The following ANK3 variants were observed in gnomAD, a reference collection of about 807,000 sequenced individuals.
ANK3 encodes the protein ankyrin-3.
ANK3 carries 57 observed loss-of-function variants against 370.9 expected under a neutral mutation model. That is an observed-to-expected ratio of 0.15 (90% CI 0.12 to 0.19). ANK3 has a LOEUF of 0.19. Among genes scored for constraint, ANK3 ranks in the 10% least tolerant of loss-of-function variants. The pLI, the probability that ANK3 is intolerant of heterozygous loss-of-function variation, is 1.00. For missense variants in ANK3, 4,439 were observed against 5,302.1 expected (o/e 0.84, Z 5.06); for synonymous variants, 1,929 against 1,946.3 (o/e 0.99, Z 0.23).
At position 60,279,606 on chromosome 10, in the gene ANK3, G is replaced by A. The variant is rs1064796340; in HGVS notation, c.148C>T (p.Arg50Ter). 1 of 1,611,840 alleles carries A rather than the reference G, an allele frequency of 6.2e-7. No homozygotes were observed. Among genetic ancestry groups the A allele is most frequent in the Non-Finnish European group, 8.5e-7 (1 of 1,179,464 alleles). Residue 50 changes from arginine to a stop codon, truncating the protein, a stop_gained, in exon 2 of 44, where the codon CGA (arginine) becomes TGA (stop). Transcript: ENST00000280772. LOFTEE classifies it high-confidence loss of function. ...DANASYLRAARAGHLEKALDY... is the reference protein window; with the variant it reads ...DANASYLRAA ...AGGGCCTTTTCAAGGTGTCCAGCTC[G>A]AGCTGCTCTTAAGTAACTTGCATTG...
chr10:60,103,699 AT>A (rs1041789764), intron 28 of ANK3, among the ~76,000 whole-genome samples: 2 of 152,208 alleles, frequency 1.3e-5, no homozygotes, highest in Middle Eastern at 3.4e-3. Context: ...TTCCATCCTC[AT>A]TTTTGCTCTA....
Position 60,363,490 on chromosome 10 carries a change from T to C in ANK3, c.114+25935A>G, listed in dbSNP as rs189707949. ...AATAAAGGGCCCAGATAGGGCAAAA[T>C]AGGGAAGATTCCATAGAATTGAGAA... On this transcript the variant is annotated intron_variant, in intron 1 of 43. Transcript: ENST00000280772. 3.3e-5 allele frequency among the ~76,000 whole-genome samples: 5 copies of C among 152,250 alleles called. No individual in the cohort carries two copies. The East Asian group carries it at 9.6e-4, about 29-fold the overall frequency.
chr10:60,697,926 C>G (rs1394334607), intron 1 of ANK3, among the ~76,000 whole-genome samples: 1 of 151,456 alleles, frequency 6.6e-6, no homozygotes, highest in Admixed American at 6.6e-5. Context: ...AACTAAAGAG[C>G]TTCTGCACAG....
rs1227547953 is a variant in ANK3, at chr10:60,240,068, T to TATATACATATATATACACATATATAC, written c.799-5283_799-5282insGTATATATGTGTATATATATGTATAT. On this transcript the variant is annotated intron_variant, in intron 7 of 43. Transcript: ENST00000280772. ...ATATACATATATACACATATATACA[T>TATATACATATATATACACATATATAC]ATATATACATATATACACTATATAT... 6.4e-4 allele frequency among the ~76,000 whole-genome samples: 10 copies of TATATACATATATATACACATATATAC among 15,602 alleles called. No homozygotes were observed. In the East Asian group the frequency reaches 0.071, roughly 111 times the overall value. The allele number at this position is 15,602 out of a possible 152,430, so 10.2% of individuals were successfully genotyped here. A position where few individuals can be genotyped will look rare whatever the true frequency, so the allele number is the denominator to read the frequency against.
chr10:60,053,927 T>TAGGACTCGAAACCAATCTTTCTGCATTAG (rs2078607730), intron 42 of ANK3, among the ~76,000 whole-genome samples: 1 of 151,980 alleles, frequency 6.6e-6, no homozygotes, highest in East Asian at 1.9e-4. Context: ...TTCTGCATTA[T>TAGGACTCGAAACCAATCTTTCTGCATTAG]AATAGGACTC....
At chr10:60,714,345 C>T (rs1382395873) in intron 1 of ANK3, among the ~76,000 whole-genome samples, 3 of 152,142 alleles carry the variant, frequency 2.0e-5, no homozygotes, top group African/African-American at 7.2e-5. Context: ...TTTCTACAAT[C>T]TTTTCCAGGA....
intron 37 of ANK3, among the ~76,000 whole-genome samples, chr10:60,068,271 A>G (rs2082021842): frequency 6.6e-6 from 1 of 152,186 alleles, no homozygotes; most frequent in Non-Finnish European, 1.5e-5. Flanking sequence ...ACAGTTACAG[A>G]AGTGTCGTGT....
intron 23 of ANK3, chr10:60,140,924 A>T (rs1281624069): frequency 1.0e-6 from 1 of 985,646 alleles, no homozygotes; most frequent in Non-Finnish European, 1.2e-6. Context: ...CAGCCAACCC[A>T]GGTAGAGGAA....
At chr10:60,165,291 A>G (rs573167981) in intron 23 of ANK3, among the ~76,000 whole-genome samples, 8 of 152,330 alleles carry the variant, frequency 5.3e-5, no homozygotes, top group African/African-American at 1.9e-4. Flanking sequence ...GAAATGTATG[A>G]GAAGGCAATG....
rs145256821 is a variant in ANK3 at position 60,071,997 on chromosome 10, C to T, written c.8884G>A (p.Val2962Ile). The change falls in exon 37 of 44, where the codon GTC becomes ATC. Residue 2962 changes from valine to isoleucine, a missense_variant. Coordinates refer to ENST00000280772, the MANE Select transcript of ANK3 (RefSeq NM_020987.5). ...ATTCTCCTCTCATCAGCAACTCTGA[C>T]GGGAATGTGTGACACTGCTGAGCTC... ...SESSAVSHIPVRVADERRMLS... is the reference protein window; with the variant it reads ...SESSAVSHIPIRVADERRMLS... The T allele has an allele frequency of 9.4e-5, 152 of 1,614,044 alleles. No individual in the cohort carries two copies. The highest frequency in any genetic ancestry group is 7.5e-4 in the African/African-American group (56 of 75,014).
chr10:60,509,220 A>G (rs2076017820), intron 2 of ANK3, among the ~76,000 whole-genome samples: 2 of 152,132 alleles, frequency 1.3e-5, no homozygotes, highest in Non-Finnish European at 2.9e-5. Flanking sequence ...AAATATGCAA[A>G]ATAGTGAAGC....
At chr10:60,194,661 T>C (rs2096555158) in intron 16 of ANK3, among the ~76,000 whole-genome samples, 1 of 152,368 alleles carries the variant, frequency 6.6e-6, no homozygotes, top group Admixed American at 6.5e-5. Context: ...CATCAATGAA[T>C]ATTTGCATTG....
chr10:60,448,913 T>C (rs1248774477), intron 2 of ANK3, among the ~76,000 whole-genome samples: 1 of 152,228 alleles, frequency 6.6e-6, no homozygotes, highest in Non-Finnish European at 1.5e-5. Flanking sequence ...CATGAATCCC[T>C]GGATGCCCGA....
chr10:60,462,069 G>A (rs1018055000), intron 2 of ANK3, among the ~76,000 whole-genome samples: 9 of 152,124 alleles, frequency 5.9e-5, no homozygotes, highest in African/African-American at 2.2e-4. Flanking sequence ...TACTAAACTA[G>A]CTAATAAGGA....
chr10:60,412,932 A>G (rs1390467713), intron 2 of ANK3, among the ~76,000 whole-genome samples: 1 of 152,244 alleles, frequency 6.6e-6, no homozygotes, highest in African/African-American at 2.4e-5. Flanking sequence ...GCTATCTGGT[A>G]CATAATAAGG....
chr10:60,121,690 CA>C (rs56258116), intron 25 of ANK3, among the ~76,000 whole-genome samples: 49,253 of 142,006 alleles, frequency 0.35, 8,146 homozygotes, highest in Non-Finnish European at 0.38. Context: ...GACCCTTTCT[CA>C]AAAAAAAAAA....
intron 2 of ANK3, among the ~76,000 whole-genome samples, chr10:60,598,806 A>T (rs2078022863): frequency 6.6e-6 from 1 of 152,204 alleles, no homozygotes; most frequent in South Asian, 2.1e-4. Context: ...CAGAAATATT[A>T]TTACTAAAAT....
chr10:60,587,288 G>A (rs558973874), intron 2 of ANK3, among the ~76,000 whole-genome samples: 95 of 152,238 alleles, frequency 6.2e-4, no homozygotes, highest in Middle Eastern at 6.8e-3. Context: ...TTTAAGATGA[G>A]ATCTGGGTGG....
intron 2 of ANK3, among the ~76,000 whole-genome samples, chr10:60,550,201 T>C (rs1233176519): frequency 1.3e-5 from 2 of 151,790 alleles, no homozygotes; most frequent in Admixed American, 6.6e-5. Context: ...TATATAAGTA[T>C]ATATTTTAAT....
Sources: gnomAD v4.1 joint callset for allele counts (sites outside exome capture counted in the v4.1 genomes callset) on GRCh38, gnomAD v4.1.1 for gene constraint, MANE v1.5 for transcripts, NCBI Gene and HGNC (gene_info 2026-07-23, HGNC 2026-07-21) for gene names.